The following TSNARE1 variants were observed in gnomAD, a reference collection of about 807,000 sequenced individuals.
TSNARE1 encodes the protein t-SNARE domain containing 1.
In TSNARE1, 49 loss-of-function variants were observed where a neutral mutation model predicts 62.0. The observed-to-expected ratio is 0.79, with a 90% confidence interval of 0.63 to 1.00. TSNARE1 has a LOEUF of 1.00. TSNARE1 is among the 50% of genes least tolerant of loss of function. TSNARE1 has a pLI of 0.00. For synonymous variants in TSNARE1, 328 were observed against 294.4 expected (o/e 1.11, Z -1.17); for missense variants, 755 against 700.1 (o/e 1.08, Z -0.88).
intron 10 of TSNARE1, among the ~76,000 whole-genome samples, chr8:142,285,439 T>G (rs1463853931): frequency 1.2e-5 from 1 of 81,506 alleles, no homozygotes; most frequent in African/African-American, 5.0e-5. Flanking sequence ...TGGATAGATG[T>G]GTGGGTGGGT....
chr8:142,262,811 C>A (rs1422950836), intron 12 of TSNARE1, among the ~76,000 whole-genome samples: 1 of 152,178 alleles, frequency 6.6e-6, no homozygotes, highest in Non-Finnish European at 1.5e-5. Context: ...CCTGCAGAAC[C>A]GTGAGCCAAT....
chr8:142,309,284 C>G (rs1271540076), intron 9 of TSNARE1, among the ~76,000 whole-genome samples: 1 of 152,126 alleles, frequency 6.6e-6, no homozygotes, highest in South Asian at 2.1e-4. Context: ...GATACAACTT[C>G]TGGCACAATG....
In TSNARE1 at chr8:142,295,906, C is replaced by T. The variant is rs139557339; in HGVS notation, c.1290+4580G>A. ...GATGAGATGCTACCTGTGGGACCTGCGTCCATCCTGGGTGCCGGCAGTGAG... is the reference window on the plus strand; with the variant it reads ...GATGAGATGCTACCTGTGGGACCTGTGTCCATCCTGGGTGCCGGCAGTGAG... On this transcript the variant is annotated intron_variant, in intron 10 of 13. Transcript: ENST00000524325. Among the ~76,000 whole-genome samples the T allele has an allele frequency of 7.6e-3, 1,142 of 149,738 alleles. 8 individuals are homozygous for T. The highest frequency in any genetic ancestry group is 0.012 in the Non-Finnish European group (817 of 67,486).
intron 4 of TSNARE1, among the ~76,000 whole-genome samples, chr8:142,333,966 C>G (rs893871975): frequency 6.6e-6 from 1 of 150,884 alleles, no homozygotes; most frequent in Non-Finnish European, 1.5e-5. Flanking sequence ...AGTAGAACAA[C>G]GAGAATGAGG....
intron 10 of TSNARE1, among the ~76,000 whole-genome samples, chr8:142,292,523 A>T (rs2131104484): frequency 6.6e-6 from 1 of 152,256 alleles, no homozygotes; most frequent in South Asian, 2.1e-4. Flanking sequence ...GCCACAGGCT[A>T]GCTGTGGTGC....
rs372163816 is a variant in TSNARE1 at position 142,238,602 on chromosome 8, C to T, written c.1447-9023G>A. 6.6e-5 allele frequency among the ~76,000 whole-genome samples: 10 copies of T among 151,982 alleles called. No homozygotes were observed. The East Asian group carries it at 7.7e-4, about 12-fold the overall frequency. ...TCCCCAGAGCCCCATTTCTCCCCTC[C>T]ACGCCATTCTCCAGCCAGAACCATG... On this transcript the variant is annotated intron_variant, in intron 12 of 13. Transcript: ENST00000524325.
chr8:142,263,093 T>C (rs1337346964), intron 12 of TSNARE1, among the ~76,000 whole-genome samples: 1 of 152,148 alleles, frequency 6.6e-6, no homozygotes, highest in East Asian at 1.9e-4. Context: ...CACCCTCGAC[T>C]TTCTCTGTTT....
At chr8:142,324,562 C>T (rs1237450314) in intron 6 of TSNARE1, among the ~76,000 whole-genome samples, 1 of 152,248 alleles carries the variant, frequency 6.6e-6, no homozygotes, top group Non-Finnish European at 1.5e-5. Flanking sequence ...CTTGTCATTA[C>T]TTAAGATGCC....
At chr8:142,326,012 C>A (rs866493398) in intron 6 of TSNARE1, 3 of 147,084 alleles carry the variant, frequency 2.0e-5, no homozygotes, top group Non-Finnish European at 4.3e-5. Flanking sequence ...CCAGCACCAG[C>A]GAAGGGGAGG....
chr8:142,370,847 A>G (rs1835866722), intron 1 of TSNARE1, among the ~76,000 whole-genome samples: 1 of 145,418 alleles, frequency 6.9e-6, no homozygotes, highest in South Asian at 2.3e-4. Flanking sequence ...AAAACAAAAA[A>G]CAAAAAAAAA....
At chr8:142,230,962 ACCATCCAT>A (rs56309313) in intron 12 of TSNARE1, among the ~76,000 whole-genome samples, 75,284 of 146,796 alleles carry the variant, frequency 0.51, 20,027 homozygotes, top group African/African-American at 0.62. Flanking sequence ...CCATCATCCA[ACCATCCAT>A]CCATCCATCC....
intron 6 of TSNARE1, 25 bp downstream of exon 6, chr8:142,330,876 G>A: frequency 1.9e-6 from 3 of 1,613,156 alleles, no homozygotes; most frequent in South Asian, 1.1e-5. Flanking sequence ...CCCAGGCAAA[G>A]AGATACCATG....
intron 12 of TSNARE1, among the ~76,000 whole-genome samples, chr8:142,261,108 GCA>G (rs1818861768): frequency 8.9e-6 from 1 of 111,778 alleles, no homozygotes; most frequent in Non-Finnish European, 1.8e-5. Flanking sequence ...GAGAGGGGGA[GCA>G]GGGAAGGAGA....
intron 12 of TSNARE1, among the ~76,000 whole-genome samples, chr8:142,272,312 C>T (rs1819665297): frequency 2.0e-5 from 3 of 146,522 alleles, no homozygotes; most frequent in Non-Finnish European, 3.0e-5. Context: ...CTTCCTCCAT[C>T]TACCCATCCA....
chr8:142,228,803 G>A (rs147541921), intron 13 of TSNARE1, among the ~76,000 whole-genome samples: 3 of 152,350 alleles, frequency 2.0e-5, no homozygotes, highest in East Asian at 3.9e-4. Flanking sequence ...AAGGAAGGAT[G>A]GAAAGATGGA....
At chr8:142,258,985 G>T (rs1818728524) in intron 12 of TSNARE1, among the ~76,000 whole-genome samples, 1 of 152,210 alleles carries the variant, frequency 6.6e-6, no homozygotes, top group African/African-American at 2.4e-5. Context: ...CAGCCCAAGG[G>T]GCCCCTGAGC....
chr8:142,256,635 TCAG>T (rs1818600171), intron 12 of TSNARE1, among the ~76,000 whole-genome samples: 1 of 149,780 alleles, frequency 6.7e-6, no homozygotes, highest in South Asian at 2.2e-4. Context: ...ACCACCACAA[TCAG>T]CAGAAGTAAC....
intron 12 of TSNARE1, among the ~76,000 whole-genome samples, chr8:142,272,430 ACCCGCCTG>A (rs1224420372): frequency 5.6e-5 from 3 of 53,536 alleles, no homozygotes; most frequent in Admixed American, 1.8e-4. Context: ...CCACCTATCC[ACCCGCCTG>A]TCTACACCTT....
At chr8:142,288,175 G>A (rs767613973) in intron 10 of TSNARE1, among the ~76,000 whole-genome samples, 2 of 152,222 alleles carry the variant, frequency 1.3e-5, no homozygotes, top group East Asian at 1.9e-4. Context: ...GAGCAAGGCC[G>A]GGTCCAGTGC....
Sources: gnomAD v4.1 joint callset for allele counts (sites outside exome capture counted in the v4.1 genomes callset) on GRCh38, gnomAD v4.1.1 for gene constraint, MANE v1.5 for transcripts, NCBI Gene and HGNC (gene_info 2026-07-23, HGNC 2026-07-21) for gene names.